The following ME3 variants were observed in gnomAD, a reference collection of about 807,000 sequenced individuals.
ME3 encodes NADP-dependent malic enzyme, mitochondrial.
Under a neutral mutation model 68.9 loss-of-function variants are expected in ME3, and 48 were observed. That is an observed-to-expected ratio of 0.70 (90% CI 0.55 to 0.89). ME3 has a LOEUF of 0.89. ME3 is among the 40% of genes least tolerant of loss of function. The pLI is 0.00. For missense variants in ME3, 675 were observed against 797.4 expected (o/e 0.85, Z 1.85); for synonymous variants, 320 against 318.8 (o/e 1.00, Z -0.04).
At chr11:86,545,518 C>CCAATAATAAA (rs1395476179) in intron 4 of ME3, among the ~76,000 whole-genome samples, 1 of 152,104 alleles carries the variant, frequency 6.6e-6, no homozygotes, top group Admixed American at 6.6e-5. Context: ...TTGCTATATA[C>CCAATAATAAA]CAATAATAAA....
intron 8 of ME3, 95 bp downstream of exon 8, chr11:86,464,996 G>A: frequency 1.0e-6 from 1 of 965,806 alleles, no homozygotes; most frequent in Non-Finnish European, 1.7e-6. Context: ...AACCAACTAT[G>A]GGGTGACAGC....
Position 86,500,921 on chromosome 11 carries a change from G to A in ME3, c.544-2797C>T, listed in dbSNP as rs927134695. ...GTCTGCTTGCCTGCCTTTCACAAGC[G>A]TGTATTAAGGACCCACTGCCTGCCA... On this transcript the variant is annotated intron_variant, in intron 5 of 14. Transcript: ENST00000543262. Among the ~76,000 whole-genome samples, 15 of 151,590 alleles carry A rather than the reference G, an allele frequency of 9.9e-5. No individual in the cohort carries two copies. In the East Asian group the frequency reaches 1.2e-3, roughly 12 times the overall value.
At chr11:86,447,044 A>G in intron 12 of ME3, 21 bp downstream of exon 12, 2 of 1,611,252 alleles carry the variant, frequency 1.2e-6, no homozygotes, top group Non-Finnish European at 8.5e-7. Flanking sequence ...CAGCCGGGGG[A>G]AGGAAGGACT....
chr11:86,568,474 A>G (rs1322279488), intron 2 of ME3, among the ~76,000 whole-genome samples: 3 of 152,298 alleles, frequency 2.0e-5, no homozygotes, highest in Admixed American at 6.5e-5. Context: ...GACTTTACCT[A>G]TTTCATCAGC....
At chr11:86,660,664 A>T (rs190076494) in intron 2 of ME3, among the ~76,000 whole-genome samples, 1 of 152,216 alleles carries the variant, frequency 6.6e-6, no homozygotes, top group African/African-American at 2.4e-5. Flanking sequence ...CACAAAATTG[A>T]TTCTAGCTGA....
At chr11:86,593,100 C>T (rs1959149713) in intron 2 of ME3, among the ~76,000 whole-genome samples, 1 of 152,156 alleles carries the variant, frequency 6.6e-6, no homozygotes, top group Admixed American at 6.5e-5. Context: ...GGCCTTGGCT[C>T]ACTGCCAGGA....
intron 2 of ME3, among the ~76,000 whole-genome samples, chr11:86,596,596 C>A (rs1056772392): frequency 2.6e-5 from 4 of 152,190 alleles, no homozygotes; most frequent in African/African-American, 7.2e-5. Flanking sequence ...GCCCTTGAGA[C>A]TTTAAGAAGG....
At chr11:86,581,336 C>T (rs983087422) in intron 2 of ME3, among the ~76,000 whole-genome samples, 4 of 152,098 alleles carry the variant, frequency 2.6e-5, no homozygotes, top group Non-Finnish European at 5.9e-5. Context: ...AATACTGTAG[C>T]ATAGGATAAT....
In ME3 at chr11:86,593,492, T is replaced by A. The variant is rs545194455; in HGVS notation, c.184-33669A>T. Among the ~76,000 whole-genome samples, 182 of 146,650 alleles carry A rather than the reference T, an allele frequency of 1.2e-3. 22 individuals carry two copies. Among genetic ancestry groups the A allele is most frequent in the African/African-American group, 4.2e-3 (169 of 39,878 alleles). ...TGAGCCCCACAAAGGCTCCAGAACT[T>A]CAGCATACAACCAGTAAGTTGCAGA... On this transcript the variant is annotated intron_variant, in intron 2 of 14. Transcript: ENST00000543262.
chr11:86,614,517 C>T (rs1379065220), intron 2 of ME3, among the ~76,000 whole-genome samples: 1 of 152,134 alleles, frequency 6.6e-6, no homozygotes, highest in African/African-American at 2.4e-5. Flanking sequence ...TCTGGGCTCT[C>T]AATGGATCAA....
chr11:86,478,166 G>A lies in ME3; in HGVS notation c.809+9171C>T, dbSNP rs1034263479. Among the ~76,000 whole-genome samples, 6 of 151,802 alleles carry A rather than the reference G, an allele frequency of 4.0e-5. No individual in the cohort carries two copies. The South Asian group carries it at 8.3e-4, about 21-fold the overall frequency. Reference sequence around the variant, plus strand: ...CCATTTACTGCACGAGTAAAGCCACGCTTCCTAGGAACTACCATTGGTAGA... The same window carrying A: ...CCATTTACTGCACGAGTAAAGCCACACTTCCTAGGAACTACCATTGGTAGA... On this transcript the variant is annotated intron_variant, in intron 7 of 14. Coordinates refer to ENST00000543262, the Ensembl canonical transcript of ME3.
At chr11:86,519,252 G>A (rs1954095981) in intron 4 of ME3, among the ~76,000 whole-genome samples, 1 of 152,110 alleles carries the variant, frequency 6.6e-6, no homozygotes, top group African/African-American at 2.4e-5. Context: ...TCTGACAAAG[G>A]CATGCAAATT....
intron 4 of ME3, among the ~76,000 whole-genome samples, chr11:86,543,944 TAACA>T (rs1163003327): frequency 1.3e-5 from 2 of 148,924 alleles, no homozygotes; most frequent in Admixed American, 6.7e-5. Context: ...ATGGAAATCA[TAACA>T]AACAGTCTCT....
chr11:86,634,635 C>A (rs1944218896), intron 2 of ME3, among the ~76,000 whole-genome samples: 1 of 152,172 alleles, frequency 6.6e-6, no homozygotes, highest in Non-Finnish European at 1.5e-5. Flanking sequence ...CATGAAGGCT[C>A]AAGTTAGAGA....
At chr11:86,497,915 A>G (rs1202615818) in intron 6 of ME3, 48 bp downstream of exon 6, 3 of 1,536,314 alleles carry the variant, frequency 2.0e-6, no homozygotes, top group Non-Finnish European at 2.6e-6. Flanking sequence ...ACCCTGTCCC[A>G]GTTGCCACCT....
At chr11:86,609,091 T>TAA (rs1169906195) in intron 2 of ME3, among the ~76,000 whole-genome samples, 3 of 152,208 alleles carry the variant, frequency 2.0e-5, no homozygotes, top group Admixed American at 2.0e-4. Context: ...AGCAAGAACT[T>TAA]AGAGAAGTTA....
At chr11:86,558,258 A>C (rs1043225438) in intron 3 of ME3, among the ~76,000 whole-genome samples, 1 of 152,164 alleles carries the variant, frequency 6.6e-6, no homozygotes, top group African/African-American at 2.4e-5. Flanking sequence ...ACAAAAGGAG[A>C]AGGTTCAGAT....
At chr11:86,584,734 T>G (rs1479751943) in intron 2 of ME3, among the ~76,000 whole-genome samples, 2 of 152,162 alleles carry the variant, frequency 1.3e-5, no homozygotes, top group African/African-American at 4.8e-5. Flanking sequence ...ATGAGGTATC[T>G]AAAATAATCC....
chr11:86,510,878 C>G (rs531799269), intron 4 of ME3, among the ~76,000 whole-genome samples: 1 of 152,192 alleles, frequency 6.6e-6, no homozygotes, highest in Non-Finnish European at 1.5e-5. Flanking sequence ...AATCTTCCAC[C>G]ATTATGACTC....
Sources: gnomAD v4.1 joint callset for allele counts (sites outside exome capture counted in the v4.1 genomes callset) on GRCh38, gnomAD v4.1.1 for gene constraint, MANE v1.5 for transcripts, NCBI Gene and HGNC (gene_info 2026-07-23, HGNC 2026-07-21) for gene names.